The following TLN2 variants were observed in gnomAD, a reference collection of about 807,000 sequenced individuals.
TLN2 encodes talin 2.
TLN2 carries 118 observed loss-of-function variants against 294.7 expected under a neutral mutation model. The observed-to-expected ratio is 0.40, with a 90% CI of 0.34 to 0.47. The LOEUF is 0.47. Among genes scored for constraint, TLN2 ranks in the 20% least tolerant of loss-of-function variants. The pLI, the probability that TLN2 is intolerant of heterozygous loss-of-function variation, is 0.84. For missense variants in TLN2, 3,083 were observed against 3,282.2 expected, an observed-to-expected ratio of 0.94 and a Z score of 1.48; for synonymous variants, 1,431 against 1,304.5, an observed-to-expected ratio of 1.10 and a Z score of -2.09.
intron 47 of TLN2, 113 bp from the exon 48 acceptor site, chr15:62,797,106 T>G: frequency 1.1e-5 from 13 of 1,192,776 alleles, no homozygotes; most frequent in Non-Finnish European, 1.5e-5. Flanking sequence ...AGCACTTCTC[T>G]TCTTCAAAGC....
At position 62,647,322 on chromosome 15, in the gene TLN2, G is replaced by A; in HGVS notation, c.12G>A (p.Leu4=). 2 of 1,614,060 alleles carry A rather than the reference G, an allele frequency of 1.2e-6. No individual in the cohort carries two copies. The highest frequency in any genetic ancestry group is 2.2e-5 in the South Asian group (2 of 91,064). Residue 4 remains leucine (L), a synonymous_variant, in exon 4 of 59, where the codon CTG becomes CTA. Coordinates refer to ENST00000636159, the MANE Select transcript of TLN2 (RefSeq NM_015059.3). ...CATCATCTAGGAAAATGGTGGCCCT[G>A]TCCTTAAAGATTTGTGTGCGCCACT... The part of the protein sequence containing the change: MVA[L]SLKICVRHCN...
intron 1 of TLN2, among the ~76,000 whole-genome samples, chr15:62,540,902 G>C (rs2041645964): frequency 6.6e-6 from 1 of 152,102 alleles, no homozygotes; most frequent in Non-Finnish European, 1.5e-5. Context: ...GGGCACATTG[G>C]GATCTGGAGG....
intron 3 of TLN2, among the ~76,000 whole-genome samples, chr15:62,627,698 A>G (rs544393632): frequency 3.3e-5 from 5 of 152,344 alleles, no homozygotes; most frequent in Non-Finnish European, 7.3e-5. Flanking sequence ...AGTTTTAAAA[A>G]TTGATTATTA....
At chr15:62,636,839 C>T (rs545289150) in intron 3 of TLN2, among the ~76,000 whole-genome samples, 5 of 152,196 alleles carry the variant, frequency 3.3e-5, no homozygotes, top group African/African-American at 2.4e-5. Context: ...TCAAATTAAG[C>T]GCAGCATGAA....
chr15:62,698,006 T>G lies in TLN2; in HGVS notation c.1473+138T>G, dbSNP rs562874377. The G allele has an allele frequency of 3.1e-5, 35 of 1,133,866 alleles. No homozygotes were observed. The South Asian group carries it at 4.9e-4, about 16-fold the overall frequency. 70.2% of individuals were successfully genotyped at this position (1,133,866 alleles called of 1,614,324 possible). A position where few individuals can be genotyped will look rare whatever the true frequency, so the allele number is the denominator to read the frequency against. On this transcript the variant is annotated intron_variant, in intron 15 of 58. Coordinates refer to ENST00000636159, the MANE Select transcript of TLN2 (RefSeq NM_015059.3). ...GAACCATGCCTCGTTCAGCTGTGCA[T>G]TTTTTAAATTGGATGACTCGGATCA...
At chr15:62,525,071 A>G (rs746391845) in intron 1 of TLN2, among the ~76,000 whole-genome samples, 6 of 152,194 alleles carry the variant, frequency 3.9e-5, no homozygotes, top group Non-Finnish European at 8.8e-5. Flanking sequence ...CCTTTTGTGA[A>G]CACTATTGCA....
rs772349131 is a variant in TLN2, at chr15:62,593,584, G to T, written c.-162+3822G>T. ...ATGTAAGAATTGATTGGATTTCATG[G>T]ACTCGATGACTCTAGAATACATTTA... is the stretch of plus-strand genomic sequence containing the variant. On this transcript the variant is annotated intron_variant, in intron 2 of 58. Transcript: ENST00000636159. Among the ~76,000 whole-genome samples the T allele has an allele frequency of 2.6e-5, 4 of 152,150 alleles. No individual in the cohort carries two copies. In the East Asian group the frequency reaches 7.7e-4, roughly 29 times the overall value.
chr15:62,403,435 G>A (rs972197171), intron 1 of TLN2, among the ~76,000 whole-genome samples: 5 of 151,948 alleles, frequency 3.3e-5, no homozygotes, highest in South Asian at 2.1e-4. Flanking sequence ...GTTTTGCCAC[G>A]TTGCCCAGGC....
chr15:62,698,896 A>T (rs768767141), intron 16 of TLN2, 29 bp downstream of exon 16: 14 of 1,595,652 alleles, frequency 8.8e-6, no homozygotes. Context: ...TTTTCATGCC[A>T]AGTCTCTGCC....
In TLN2 at chr15:62,792,781, G is replaced by T; in HGVS notation, c.5877G>T (p.Thr1959=). ...RELIECARAV[T]EKVSLVLSAL... ...TGATCGAATGCGCCCGTGCCGTCAC[G>T]GAAAAGGTAAGGAGCAGCCCTCAGT... The change falls in exon 46 of 59, where the codon ACG becomes ACT. Residue 1959 remains threonine, a synonymous_variant. Coordinates refer to ENST00000636159, the MANE Select transcript of TLN2 (RefSeq NM_015059.3). 6.2e-7 allele frequency: 1 copy of T among 1,613,958 alleles called. No individual in the cohort carries two copies. Among genetic ancestry groups the T allele is most frequent in the Non-Finnish European group, 8.5e-7 (1 of 1,180,016 alleles).
intron 1 of TLN2, among the ~76,000 whole-genome samples, chr15:62,577,182 G>A (rs1289236581): frequency 2.0e-5 from 3 of 152,198 alleles, no homozygotes; most frequent in African/African-American, 7.2e-5. Context: ...GGTGGCTCAC[G>A]CCTGTAATCC....
chr15:62,805,930 C>T, intron 51 of TLN2, 145 bp downstream of exon 51: 1 of 885,962 alleles, frequency 1.1e-6, no homozygotes, highest in Non-Finnish European at 1.6e-6. Context: ...TGGCTTATGC[C>T]TGAAATCCCA....
intron 1 of TLN2, among the ~76,000 whole-genome samples, chr15:62,510,307 G>A (rs2039862703): frequency 6.6e-6 from 1 of 152,212 alleles, no homozygotes; most frequent in Admixed American, 6.5e-5. Context: ...GAACCAGAGG[G>A]TGGGGCCCTG....
intron 1 of TLN2, among the ~76,000 whole-genome samples, chr15:62,424,135 ATAG>A (rs1344866765): frequency 6.6e-6 from 1 of 152,186 alleles, no homozygotes; most frequent in African/African-American, 2.4e-5. Context: ...ATGGATAATA[ATAG>A]TAACTACCTC....
At chr15:62,595,024 A>G (rs2046368920) in intron 2 of TLN2, among the ~76,000 whole-genome samples, 1 of 152,254 alleles carries the variant, frequency 6.6e-6, no homozygotes, top group African/African-American at 2.4e-5. Context: ...CAAATGGCCA[A>G]CAAGTATATG....
At chr15:62,407,393 A>G (rs2033470010) in intron 1 of TLN2, among the ~76,000 whole-genome samples, 2 of 152,210 alleles carry the variant, frequency 1.3e-5, no homozygotes, top group Non-Finnish European at 2.9e-5. Flanking sequence ...TAGGCAACTC[A>G]TTAAAAATAC....
chr15:62,835,517 C>T (rs921774547), intron 55 of TLN2: 23 of 591,144 alleles, frequency 3.9e-5, no homozygotes, highest in African/African-American at 9.3e-5. Flanking sequence ...CATTTCCTGT[C>T]GCCTCTTGGT....
intron 1 of TLN2, among the ~76,000 whole-genome samples, chr15:62,529,518 G>T: frequency 6.8e-6 from 1 of 146,754 alleles, no homozygotes; most frequent in Non-Finnish European, 1.5e-5. Context: ...CCCCTCCCTT[G>T]CCTCTCTTGT....
rs2039685128 is a variant in TLN2 at position 62,507,453 on chromosome 15, C to T, written c.-237-82234C>T. 2.6e-5 allele frequency among the ~76,000 whole-genome samples: 4 copies of T among 152,168 alleles called. No homozygotes were observed. The South Asian group carries it at 8.3e-4, about 32-fold the overall frequency. ...TGAGTCCCTTGCCCTAAGGCTGGTC[C>T]TTCTTTGGGCAGCTTTGACTGAGTT... On this transcript the variant is annotated intron_variant, in intron 1 of 58. Transcript: ENST00000636159.
Sources: gnomAD v4.1 joint callset for allele counts (sites outside exome capture counted in the v4.1 genomes callset) on GRCh38, gnomAD v4.1.1 for gene constraint, MANE v1.5 for transcripts, NCBI Gene and HGNC (gene_info 2026-07-23, HGNC 2026-07-21) for gene names.